COL7A1: variants seen among roughly 807,000 people sequenced by gnomAD.
The protein encoded by COL7A1 is collagen alpha-1(VII) chain.
Under a neutral mutation model 456.2 loss-of-function variants are expected in COL7A1, and 296 were observed. That is an observed-to-expected ratio of 0.65 (90% confidence interval 0.59 to 0.71). The LOEUF (loss-of-function observed/expected upper bound fraction) is 0.71, where lower values mean the gene tolerates loss of function less well. COL7A1 is among the 30% of genes least tolerant of loss of function. The pLI is 0.00. For synonymous variants in COL7A1, 1,464 were observed against 1,525.9 expected, an observed-to-expected ratio of 0.96 and a Z score of 0.95; for missense variants, 3,441 against 4,017.2, an observed-to-expected ratio of 0.86 and a Z score of 3.88.
Position 48,570,333 on chromosome 3 carries a change from C to A in COL7A1, c.7382G>T (p.Gly2461Val). The A allele has an allele frequency of 6.2e-7, 1 of 1,614,052 alleles. No homozygotes were observed. The highest frequency in any genetic ancestry group is 8.5e-7 in the Non-Finnish European group (1 of 1,179,974). ...PGASGLKGDK[G>V]DPGVGLPGPR... Reference sequence around the variant, plus strand: ...CCCAGGCAGCCCTACTCCAGGGTCTCCCTGGAGACCAACAGGACACCGGGG... The same window carrying A: ...CCCAGGCAGCCCTACTCCAGGGTCTACCTGGAGACCAACAGGACACCGGGG... Residue 2461 changes from glycine to valine, a missense_variant and splice_region_variant, in exon 98 of 119, where the codon GGA becomes GTA. Physicochemically the swap from Gly to Val is moderately radical, Grantham distance 109. Around this residue, in one of 3 missense-constraint regions of COL7A1, gnomAD observed 2,084 missense variants for 2,501.3 expected, o/e 0.83. Coordinates refer to ENST00000681320, the MANE Select transcript of COL7A1 (RefSeq NM_000094.4). This position sits in a 1 kb window ranked among gnomAD's most constrained non-coding sequence, Gnocchi z 5.5.
chr3:48,592,531 G>A lies in COL7A1; in HGVS notation c.976+39C>T. ...GTGGGAGGGGGTACTGGGGTCGGGG[G>A]TTAGGTGAATGGGGTCAGAGGCTGG... On this transcript the variant is annotated intron_variant, in intron 8 of 118. Coordinates refer to ENST00000681320, the MANE Select transcript of COL7A1 (RefSeq NM_000094.4). The surrounding 1 kb of genome is among the most constrained non-coding windows in gnomAD (Gnocchi z 7.6). 6.2e-7 allele frequency: 1 copy of A among 1,613,618 alleles called. No individual in the cohort carries two copies. The highest frequency in any genetic ancestry group is 8.5e-7 in the Non-Finnish European group (1 of 1,179,974).
rs1362034915 is a variant in COL7A1, at chr3:48,572,440, C to T, written c.6937-19G>A. The T allele has an allele frequency of 6.2e-7, 1 of 1,614,048 alleles. No individual in the cohort carries two copies. Among genetic ancestry groups the T allele is most frequent in the East Asian group, 2.2e-5 (1 of 44,866 alleles). On this transcript the variant is annotated intron_variant, in intron 89 of 118. Coordinates refer to ENST00000681320, the MANE Select transcript of COL7A1 (RefSeq NM_000094.4). This position sits in a 1 kb window ranked among gnomAD's most constrained non-coding sequence, Gnocchi z 4.6. ...GGGCTCCCTGGTAAGGGGGAGAGGT[C>T]AGTGGGATTCCTTGGCCCCCACCAG...
Position 48,567,328 on chromosome 3 carries a change from T to C in COL7A1, c.8047-138A>G, listed in dbSNP as rs530083887. On this transcript the variant is annotated intron_variant, in intron 109 of 118. Transcript: ENST00000681320. The surrounding 1 kb of genome is among the most constrained non-coding windows in gnomAD (Gnocchi z 4.3). ...GCACCTGTGAGCCAACCAGATGTGA[T>C]CCCCATGACTCCAACTCCACTATAG... The C allele has an allele frequency of 2.8e-6, 3 of 1,090,026 alleles. No individual in the cohort carries two copies. Among genetic ancestry groups the C allele is most frequent in the Admixed American group, 1.9e-5 (1 of 52,970 alleles). 67.5% of individuals were successfully genotyped at this position (1,090,026 alleles called of 1,614,324 possible).
In COL7A1 at chr3:48,566,253, T is replaced by C. The variant is rs751220645; in HGVS notation, c.8407+14A>G. The C allele has an allele frequency of 1.3e-6, 2 of 1,595,466 alleles. No individual in the cohort carries two copies. The highest frequency in any genetic ancestry group is 4.5e-5 in the East Asian group (2 of 44,208). On this transcript the variant is annotated intron_variant, in intron 114 of 118. Transcript: ENST00000681320. This position sits in a 1 kb window ranked among gnomAD's most constrained non-coding sequence, Gnocchi z 5.9. ...TGGGGTGGAGTGGGAGACTGCGGGC[T>C]GGGCACCACTCACCACAGTGCTGAC...
At chr3:48,589,158 G>A (rs533435223) in intron 18 of COL7A1, among the ~76,000 whole-genome samples, 163 bp from the exon 19 acceptor site, 3 of 152,150 alleles carry the variant, frequency 2.0e-5, no homozygotes, top group Admixed American at 6.5e-5. Flanking sequence ...TGGGCAGTGT[G>A]GGGCCACCAG....
chr3:48,568,001 C>G lies in COL7A1; in HGVS notation c.7875+89G>C. On this transcript the variant is annotated intron_variant, in intron 106 of 118. Coordinates refer to ENST00000681320, the MANE Select transcript of COL7A1 (RefSeq NM_000094.4). The surrounding 1 kb of genome is among the most constrained non-coding windows in gnomAD (Gnocchi z 5.2). ...GGCCTCAGCTACTCCAACCTCTGAC[C>G]CAGTGCCCTAATATCTGACCCCAGG... is the stretch of plus-strand genomic sequence containing the variant. 6.2e-7 allele frequency: 1 copy of G among 1,600,040 alleles called. No individual in the cohort carries two copies.
rs540313590 is a variant in COL7A1, at chr3:48,587,218, A to T, written c.3111T>A (p.Gly1037=). ...SLTPVLDGVR[G]PEASVTQTPV... ...GCGTCTGTGTGACAGATGCCTCAGG[A>T]CCCCGCACACCATCCAGGACAGGCG... is the stretch of plus-strand genomic sequence containing the variant. The change falls in exon 24 of 119, where the codon GGT becomes GGA. Residue 1037 remains glycine, a synonymous_variant. Transcript: ENST00000681320. This position sits in a 1 kb window ranked among gnomAD's most constrained non-coding sequence, Gnocchi z 6.1. 3.5e-5 allele frequency: 57 copies of T among 1,613,464 alleles called. No homozygotes were observed. The South Asian group carries it at 5.9e-4, about 17-fold the overall frequency.
chr3:48,574,989 A>G lies in COL7A1; in HGVS notation c.6279+75T>C, dbSNP rs1216710831. The G allele has an allele frequency of 3.2e-6, 5 of 1,573,890 alleles. No homozygotes were observed. The highest frequency in any genetic ancestry group is 1.7e-5 in the Admixed American group (1 of 59,096). On this transcript the variant is annotated intron_variant, in intron 76 of 118. Coordinates refer to ENST00000681320, the MANE Select transcript of COL7A1 (RefSeq NM_000094.4). This position sits in a 1 kb window ranked among gnomAD's most constrained non-coding sequence, Gnocchi z 5.0. The stretch of plus-strand genomic sequence containing the variant: ...TTCCAGGGTTATGGCACACACTACC[A>G]TATTTCTGGGGACCAAGCTAAGGGT...
chr3:48,584,883 G>C, intron 34 of COL7A1, 27 bp downstream of exon 34: 9 of 1,614,038 alleles, frequency 5.6e-6, no homozygotes, highest in Non-Finnish European at 6.8e-6. Flanking sequence ...AAGACACTTA[G>C]AGAGCAAAGA....
At position 48,565,651 on chromosome 3, in the gene COL7A1, T is replaced by C. The variant is rs746690947; in HGVS notation, c.8425A>G (p.Ile2809Val). The change falls in exon 115 of 119, where the codon ATC (isoleucine) becomes GTC (valine). Residue 2809 changes from isoleucine to valine, a missense_variant. By Grantham distance (29) the Ile-to-Val change is conservative. Coordinates refer to ENST00000681320, the MANE Select transcript of COL7A1 (RefSeq NM_000094.4). This position sits in a 1 kb window ranked among gnomAD's most constrained non-coding sequence, Gnocchi z 4.5. ...AACTACTCACGTGATCCAGATGCGA[T>C]GAACTGGCCCTGGCAGGCTAGAGGG... ...SQHCACQGQF[I>V]ASGSRPLPSY... The C allele has an allele frequency of 1.2e-6, 2 of 1,613,742 alleles. No homozygotes were observed. Among genetic ancestry groups the C allele is most frequent in the Non-Finnish European group, 1.7e-6 (2 of 1,179,902 alleles).
chr3:48,585,409 C>A lies in COL7A1; in HGVS notation c.3894+148G>T. On this transcript the variant is annotated intron_variant, in intron 32 of 118. Transcript: ENST00000681320. This position sits in a 1 kb window ranked among gnomAD's most constrained non-coding sequence, Gnocchi z 4.5. Reference sequence around the variant, plus strand: ...TGGCCCTTCTATTTCAGAGTGTCCCCCAAAGTCTCTGTGGTGGTTTATAAC... The same window carrying A: ...TGGCCCTTCTATTTCAGAGTGTCCCACAAAGTCTCTGTGGTGGTTTATAAC... 1.0e-6 allele frequency: 1 copy of A among 978,984 alleles called. No individual in the cohort carries two copies. Among genetic ancestry groups the A allele is most frequent in the East Asian group, 2.5e-5 (1 of 40,574 alleles). 60.6% of individuals were successfully genotyped at this position (978,984 alleles called of 1,614,324 possible). A position where few individuals can be genotyped will look rare whatever the true frequency, so the allele number is the denominator to read the frequency against.
chr3:48,571,768 G>A lies in COL7A1; in HGVS notation c.7068+233C>T, dbSNP rs1256934829. The A allele has an allele frequency of 4.7e-6, 3 of 636,428 alleles. No homozygotes were observed. Among genetic ancestry groups the A allele is most frequent in the Non-Finnish European group, 5.7e-6 (2 of 352,218 alleles). The allele number at this position is 636,428 out of a possible 1,614,324, so 39.4% of individuals were successfully genotyped here. A position where few individuals can be genotyped will look rare whatever the true frequency, so the allele number is the denominator to read the frequency against. The stretch of plus-strand genomic sequence containing the variant: ...CAGAGCACACGTGTGCCCAGATGTG[G>A]TGAGAAACAGACCAAGGATGGGCAC... On this transcript the variant is annotated intron_variant, in intron 92 of 118. Coordinates refer to ENST00000681320, the MANE Select transcript of COL7A1 (RefSeq NM_000094.4). The surrounding 1 kb of genome is among the most constrained non-coding windows in gnomAD (Gnocchi z 4.6).
chr3:48,594,002 AG>A lies in COL7A1; in HGVS notation c.267-307del. Among the ~76,000 whole-genome samples the A allele has an allele frequency of 6.6e-6, 1 of 152,358 alleles. No individual in the cohort carries two copies. The highest frequency in any genetic ancestry group is 1.5e-5 in the Non-Finnish European group (1 of 68,022). ...AGGAGGAGGGGTCCAGATGTAGGAAAGTGGATGCTGGCCAGATGGAGCACCT... is the reference window on the plus strand; with the variant it reads ...AGGAGGAGGGGTCCAGATGTAGGAAATGGATGCTGGCCAGATGGAGCACCT... On this transcript the variant is annotated intron_variant, in intron 3 of 118. Transcript: ENST00000681320. The surrounding 1 kb of genome is among the most constrained non-coding windows in gnomAD (Gnocchi z 5.5).
rs760209173 is a variant in COL7A1 at position 48,591,569 on chromosome 3, C to T, written c.1531G>A (p.Val511Ile). The T allele has an allele frequency of 1.2e-6, 2 of 1,613,732 alleles. No homozygotes were observed. Among genetic ancestry groups the T allele is most frequent in the East Asian group, 2.2e-5 (1 of 44,874 alleles). The change falls in exon 13 of 119, where the codon GTA (valine) becomes ATA (isoleucine). Residue 511 changes from valine to isoleucine, a missense_variant. Physicochemically the swap from Val to Ile is conservative, Grantham distance 29. Transcript: ENST00000681320. The surrounding 1 kb of genome is among the most constrained non-coding windows in gnomAD (Gnocchi z 7.0). Reference sequence around the variant, plus strand: ...AGCTCGGTGGCTTGCAGGTCTGTTACAGGGCTCACAGGCAGCTCTGGTCCT... The same window carrying T: ...AGCTCGGTGGCTTGCAGGTCTGTTATAGGGCTCACAGGCAGCTCTGGTCCT... ...PTGPELPVSP[V>I]TDLQATELPG...
chr3:48,573,820 G>T lies in COL7A1; in HGVS notation c.6537+35C>A. ...TGGTCACTGGGGCAGGGCACAGGAT[G>T]GGGGCAAGACAGGTGAAGGTTCTTG... On this transcript the variant is annotated intron_variant, in intron 81 of 118. Transcript: ENST00000681320. This position sits in a 1 kb window ranked among gnomAD's most constrained non-coding sequence, Gnocchi z 5.5. 3 of 1,614,042 alleles carry T rather than the reference G, an allele frequency of 1.9e-6. No homozygotes were observed. The highest frequency in any genetic ancestry group is 2.5e-6 in the Non-Finnish European group (3 of 1,179,972).
chr3:48,592,214 C>A lies in COL7A1; in HGVS notation c.1128G>T (p.Gly376=). Residue 376 remains glycine (G), a synonymous_variant, in exon 10 of 119, where the codon GGG becomes GGT. Transcript: ENST00000681320. This position sits in a 1 kb window ranked among gnomAD's most constrained non-coding sequence, Gnocchi z 7.6. ...AGTCACGCAGCAACACTGAACCCTG[C>A]CCAGGGCCCAGCTCCTGCTGCTGTG... ...GPTQQQELGP[G]QGSVLLRDLE... The A allele has an allele frequency of 2.5e-6, 4 of 1,614,116 alleles. No homozygotes were observed. The highest frequency in any genetic ancestry group is 3.4e-6 in the Non-Finnish European group (4 of 1,180,044).
At position 48,567,004 on chromosome 3, in the gene COL7A1, C is replaced by T. The variant is rs753969527; in HGVS notation, c.8129G>A (p.Gly2710Asp). The T allele has an allele frequency of 6.2e-7, 1 of 1,612,810 alleles. No individual in the cohort carries two copies. Among genetic ancestry groups the T allele is most frequent in the East Asian group, 2.2e-5 (1 of 44,844 alleles). Reference sequence around the variant, plus strand: ...ATCATTTCCACTGGGGCCTGGGAAGCCCCCAATTCCTGGGGTTCCCTGGGG... The same window carrying T: ...ATCATTTCCACTGGGGCCTGGGAAGTCCCCAATTCCTGGGGTTCCCTGGGG... ...KGERGTPGIGGFPGPSGNDGS... is the reference protein window; with the variant it reads ...KGERGTPGIGDFPGPSGNDGS... The change falls in exon 111 of 119, where the codon GGC (glycine) becomes GAC (aspartate). Residue 2710 changes from glycine (G) to aspartate (D), a missense_variant. This residue lies in a region of COL7A1 where 2,084 missense variants were observed against 2,501.3 expected (regional missense o/e 0.83). Transcript: ENST00000681320. The surrounding 1 kb of genome is among the most constrained non-coding windows in gnomAD (Gnocchi z 4.3).
Position 48,579,723 on chromosome 3 carries a change from G to C in COL7A1, c.5155-55C>G, listed in dbSNP as rs375326089. 4 of 1,613,726 alleles carry C rather than the reference G, an allele frequency of 2.5e-6. No individual in the cohort carries two copies. Among genetic ancestry groups the C allele is most frequent in the Non-Finnish European group, 3.4e-6 (4 of 1,179,984 alleles). On this transcript the variant is annotated intron_variant, in intron 58 of 118. Transcript: ENST00000681320. This position sits in a 1 kb window ranked among gnomAD's most constrained non-coding sequence, Gnocchi z 4.4. The stretch of plus-strand genomic sequence containing the variant: ...AGCCTTGAAGCCAAGCCATGCCCAA[G>C]GTAGAACCTGCTGGGAGGGGCACTG...
chr3:48,587,781 A>G lies in COL7A1; in HGVS notation c.2857+12T>C. 2 of 1,613,384 alleles carry G rather than the reference A, an allele frequency of 1.2e-6. No homozygotes were observed. Among genetic ancestry groups the G allele is most frequent in the Non-Finnish European group, 8.5e-7 (1 of 1,179,960 alleles). ...AGCAGGGGAGGAGCACGCCAAGGTG[A>G]GGCAGGCTTACCAGTGCGCGCAGTC... On this transcript the variant is annotated intron_variant, in intron 22 of 118. Coordinates refer to ENST00000681320, the MANE Select transcript of COL7A1 (RefSeq NM_000094.4). This position sits in a 1 kb window ranked among gnomAD's most constrained non-coding sequence, Gnocchi z 6.1.
Sources: allele counts gnomAD v4.1 joint callset (sites outside exome capture counted in the v4.1 genomes callset), GRCh38; gene constraint gnomAD v4.1.1; regional missense constraint gnomAD v4.1.1; non-coding constraint Gnocchi (gnomAD v3.1); transcripts MANE v1.5; gene names NCBI Gene and HGNC (gene_info 2026-07-23, HGNC 2026-07-21).